Variants in RBMS3 observed in about 807,000 individuals in gnomAD.
RBMS3 encodes the protein RNA-binding motif, single-stranded-interacting protein 3.
A neutral mutation model predicts 66.8 loss-of-function variants in RBMS3; 27 were observed. That is an observed-to-expected ratio of 0.40 (90% CI 0.30 to 0.56). The LOEUF is 0.56. Among genes scored for constraint, RBMS3 ranks in the 20% least tolerant of loss-of-function variants. The pLI, the probability that RBMS3 is intolerant of heterozygous loss-of-function variation, is 0.40. For missense variants in RBMS3, 513 were observed against 549.5 expected, an observed-to-expected ratio of 0.93 and a Z score of 0.66; for synonymous variants, 188 against 183.0, an observed-to-expected ratio of 1.03 and a Z score of -0.22.
intron 1 of RBMS3, among the ~76,000 whole-genome samples, chr3:29,412,942 G>A (rs1388950459): frequency 6.6e-6 from 1 of 152,230 alleles, no homozygotes; most frequent in Non-Finnish European, 1.5e-5. Flanking sequence ...GGAATCAGGA[G>A]GCAGTAGACT....
At chr3:29,544,142 T>C (rs757000725) in intron 3 of RBMS3, among the ~76,000 whole-genome samples, 7 of 152,148 alleles carry the variant, frequency 4.6e-5, no homozygotes, top group Non-Finnish European at 8.8e-5. Context: ...CTATCTTACA[T>C]TGTGACTTTA....
chr3:29,674,511 T>A (rs1225223714), intron 4 of RBMS3, among the ~76,000 whole-genome samples: 1 of 152,072 alleles, frequency 6.6e-6, no homozygotes, highest in Non-Finnish European at 1.5e-5. Flanking sequence ...AATCCCATCA[T>A]CTCAGCCCAA....
intron 1 of RBMS3, among the ~76,000 whole-genome samples, chr3:29,295,721 A>C (rs2033216203): frequency 6.6e-6 from 1 of 151,644 alleles, no homozygotes; most frequent in Admixed American, 6.6e-5. Context: ...AATTGTTCCT[A>C]CTTTATTTGT....
chr3:29,737,548 A>G (rs185400661), intron 4 of RBMS3, among the ~76,000 whole-genome samples: 41 of 152,310 alleles, frequency 2.7e-4, no homozygotes, highest in African/African-American at 8.2e-4. Context: ...CTCATTATCC[A>G]GTAAGTGTAG....
intron 6 of RBMS3, among the ~76,000 whole-genome samples, chr3:29,867,960 G>T (rs1054718121): frequency 6.6e-6 from 1 of 152,014 alleles, no homozygotes; most frequent in Non-Finnish European, 1.5e-5. Flanking sequence ...AAAAAAGTTT[G>T]TCAGGCCACT....
At chr3:29,414,327 A>G (rs1459139862) in intron 1 of RBMS3, among the ~76,000 whole-genome samples, 1 of 152,196 alleles carries the variant, frequency 6.6e-6, no homozygotes, top group Non-Finnish European at 1.5e-5. Context: ...AGGACCACCC[A>G]CTTTCTCCAT....
At chr3:29,397,269 A>G (rs1015932031) in intron 1 of RBMS3, among the ~76,000 whole-genome samples, 4 of 152,196 alleles carry the variant, frequency 2.6e-5, no homozygotes, top group Admixed American at 2.0e-4. Flanking sequence ...ATATGGTTTT[A>G]GATATCTACT....
chr3:29,522,927 C>A (rs1187306000), intron 3 of RBMS3, among the ~76,000 whole-genome samples: 1 of 152,160 alleles, frequency 6.6e-6, no homozygotes, highest in Non-Finnish European at 1.5e-5. Flanking sequence ...TTACTTAGTA[C>A]TTCTCTTTTG....
intron 4 of RBMS3, among the ~76,000 whole-genome samples, chr3:29,704,425 A>G (rs899201748): frequency 6.6e-6 from 1 of 152,138 alleles, no homozygotes; most frequent in African/African-American, 2.4e-5. Flanking sequence ...GCCCTTACAC[A>G]TTTCCATTTA....
At chr3:29,564,444 C>T (rs1166023753) in intron 3 of RBMS3, among the ~76,000 whole-genome samples, 1 of 149,932 alleles carries the variant, frequency 6.7e-6, no homozygotes, top group Non-Finnish European at 1.5e-5. Context: ...CGAGATCGTG[C>T]TATTGCGCTC....
intron 10 of RBMS3, among the ~76,000 whole-genome samples, chr3:29,905,991 A>C (rs975991215): frequency 2.6e-5 from 4 of 152,094 alleles, no homozygotes; most frequent in Non-Finnish European, 5.9e-5. Context: ...AAATGTACTA[A>C]AATTTCAAAT....
chr3:29,409,258 T>G lies in RBMS3; in HGVS notation c.76-25485T>G, dbSNP rs905344288. On this transcript the variant is annotated intron_variant, in intron 1 of 14. Coordinates refer to ENST00000383767, the MANE Select transcript of RBMS3 (RefSeq NM_001003793.3). Reference sequence around the variant, plus strand: ...AGGCCTCTGCTCCACGTGGTACCAATTGGGGTTACTCCAGTCACTGAAGAG... The same window carrying G: ...AGGCCTCTGCTCCACGTGGTACCAAGTGGGGTTACTCCAGTCACTGAAGAG... Among the ~76,000 whole-genome samples, 3 of 152,144 alleles carry G rather than the reference T, an allele frequency of 2.0e-5. No individual in the cohort carries two copies. The South Asian group carries it at 6.2e-4, about 32-fold the overall frequency.
At chr3:29,332,725 A>G (rs1404286993) in intron 1 of RBMS3, among the ~76,000 whole-genome samples, 1 of 152,208 alleles carries the variant, frequency 6.6e-6, no homozygotes, top group Non-Finnish European at 1.5e-5. Flanking sequence ...TGATGAAATA[A>G]AAGAGTGATC....
At chr3:29,997,256 T>C (rs1412890573) in intron 14 of RBMS3, among the ~76,000 whole-genome samples, 1 of 152,046 alleles carries the variant, frequency 6.6e-6, no homozygotes, top group Admixed American at 6.6e-5. Context: ...TAACAGGAAC[T>C]GAAATTGTGG....
intron 4 of RBMS3, among the ~76,000 whole-genome samples, chr3:29,704,232 A>G (rs1282501107): frequency 2.0e-5 from 3 of 152,166 alleles, no homozygotes; most frequent in Non-Finnish European, 4.4e-5. Flanking sequence ...TCATGGAAAA[A>G]TTGTCTTCCA....
intron 3 of RBMS3, among the ~76,000 whole-genome samples, chr3:29,570,018 T>A (rs2046892830): frequency 6.6e-6 from 1 of 152,134 alleles, no homozygotes; most frequent in Non-Finnish European, 1.5e-5. Flanking sequence ...GTATGTATAA[T>A]CTGATATCAT....
chr3:29,941,003 A>G (rs936415642), intron 11 of RBMS3, among the ~76,000 whole-genome samples: 4 of 151,828 alleles, frequency 2.6e-5, no homozygotes, highest in African/African-American at 9.7e-5. Context: ...TTGTTTTACA[A>G]GTTTCTTATC....
At chr3:29,375,029 A>G (rs112099498) in intron 1 of RBMS3, among the ~76,000 whole-genome samples, 153 of 152,352 alleles carry the variant, frequency 1.0e-3, no homozygotes, top group African/African-American at 3.5e-3. Flanking sequence ...CCAATGGCAC[A>G]GAATAGAGAA....
At chr3:29,891,749 G>A (rs942739642) in intron 8 of RBMS3, among the ~76,000 whole-genome samples, 2 of 151,320 alleles carry the variant, frequency 1.3e-5, no homozygotes, top group Admixed American at 6.6e-5. Flanking sequence ...GCTTTATGTG[G>A]GCATTTGGTA....
Sources: allele counts gnomAD v4.1 joint callset (sites outside exome capture counted in the v4.1 genomes callset), GRCh38; gene constraint gnomAD v4.1.1; transcripts MANE v1.5; gene names NCBI Gene and HGNC (gene_info 2026-07-23, HGNC 2026-07-21).